DNALI1: variants seen among roughly 807,000 people sequenced by gnomAD.
The protein encoded by DNALI1 is axonemal dynein light intermediate polypeptide 1.
DNALI1 carries 31 observed loss-of-function variants against 33.9 expected under a neutral mutation model. The ratio of observed to expected loss-of-function variants is 0.91; its 90% CI spans 0.69 to 1.23. DNALI1 has a LOEUF of 1.23. Ranked by LOEUF, DNALI1 falls within the 50% of genes most tolerant of loss-of-function variation. The pLI, the probability that DNALI1 is intolerant of heterozygous loss-of-function variation, is 0.00. For missense variants in DNALI1, 305 were observed against 323.8 expected, an observed-to-expected ratio of 0.94 and a Z score of 0.44; for synonymous variants, 117 against 129.2, an observed-to-expected ratio of 0.91 and a Z score of 0.64.
rs200574126 is a variant in DNALI1 at position 37,557,686 on chromosome 1, T to G, written c.165T>G (p.Thr55=). ...PQPPKTKLPS[T]PCVPDPTKQA... ...CACCCAAGACCAAGCTCCCCTCAAC[T>G]CCCTGTGTCCCAGATCCTACAAAGC... is the stretch of plus-strand genomic sequence containing the variant. Residue 55 remains threonine (T), a synonymous_variant, in exon 2 of 6, where the codon ACT becomes ACG. Coordinates refer to ENST00000652629, the MANE Select transcript of DNALI1 (RefSeq NM_003462.5). The G allele has an allele frequency of 4.3e-6, 7 of 1,613,838 alleles. No individual in the cohort carries two copies. In the Admixed American group the frequency reaches 8.3e-5, roughly 19 times the overall value.
Position 37,559,614 on chromosome 1 carries a change from C to T in DNALI1, c.397+118C>T. Reference sequence around the variant, plus strand: ...TGGAGCCCATCTCATGCTGGAATCCCCTCTTCTCCCCCTGCCTGACCCACC... The same window carrying T: ...TGGAGCCCATCTCATGCTGGAATCCTCTCTTCTCCCCCTGCCTGACCCACC... On this transcript the variant is annotated intron_variant, in intron 3 of 5. Transcript: ENST00000652629. The surrounding 1 kb of genome is among the most constrained non-coding windows in gnomAD (Gnocchi z 5.3). The T allele has an allele frequency of 8.2e-7, 1 of 1,220,202 alleles. No homozygotes were observed. The highest frequency in any genetic ancestry group is 2.2e-5 in the South Asian group (1 of 45,610). The allele number at this position is 1,220,202 out of a possible 1,614,324, so 75.6% of individuals were successfully genotyped here.
chr1:37,562,015 C>T lies in DNALI1; in HGVS notation c.577-66C>T. 1 of 1,604,756 alleles carries T rather than the reference C, an allele frequency of 6.2e-7. No homozygotes were observed. On this transcript the variant is annotated intron_variant, in intron 4 of 5. Coordinates refer to ENST00000652629, the MANE Select transcript of DNALI1 (RefSeq NM_003462.5). The surrounding 1 kb of genome is among the most constrained non-coding windows in gnomAD (Gnocchi z 5.8). ...GCAATGTCATGTCCCATGTCCCTTC[C>T]ACCCAGGCTCACACCATTCCATTCA...
At position 37,561,978 on chromosome 1, in the gene DNALI1, G is replaced by A. The variant is rs1414704643; in HGVS notation, c.577-103G>A. 2.7e-5 allele frequency: 42 copies of A among 1,549,804 alleles called. No homozygotes were observed. The East Asian group carries it at 9.2e-4, about 34-fold the overall frequency. On this transcript the variant is annotated intron_variant, in intron 4 of 5. Transcript: ENST00000652629. The surrounding 1 kb of genome is among the most constrained non-coding windows in gnomAD (Gnocchi z 4.6). The stretch of plus-strand genomic sequence containing the variant: ...GGCACTGACCTCCCACTGGGTGGCA[G>A]TATATACCCTGGCAATGTCATGTCC...
Position 37,561,851 on chromosome 1 carries a change from A to C in DNALI1, c.576+116A>C. On this transcript the variant is annotated intron_variant, in intron 4 of 5. Transcript: ENST00000652629. The surrounding 1 kb of genome is among the most constrained non-coding windows in gnomAD (Gnocchi z 4.6). ...CTAAGGTGCTCTGCTGACAGTCACG[A>C]CACCTGGACTTGCATCACCTCAGTG... 7.0e-7 allele frequency: 1 copy of C among 1,429,602 alleles called. No homozygotes were observed. Among genetic ancestry groups the C allele is most frequent in the Non-Finnish European group, 9.4e-7 (1 of 1,058,884 alleles). 88.6% of individuals were successfully genotyped at this position (1,429,602 alleles called of 1,614,324 possible).
rs779963478 is a variant in DNALI1, at chr1:37,561,743, G to A, written c.576+8G>A. 3.7e-6 allele frequency: 6 copies of A among 1,612,044 alleles called. No homozygotes were observed. The highest frequency in any genetic ancestry group is 3.3e-5 in the Admixed American group (2 of 59,904). On this transcript the variant is annotated splice_region_variant and intron_variant, in intron 4 of 5. Transcript: ENST00000652629. This position sits in a 1 kb window ranked among gnomAD's most constrained non-coding sequence, Gnocchi z 4.6. ...TCAGACATGGAGAGGAAAGTGAGTGGGGTTTACCGTGACCCTTGGTCCCAT... is the reference window on the plus strand; with the variant it reads ...TCAGACATGGAGAGGAAAGTGAGTGAGGTTTACCGTGACCCTTGGTCCCAT...
In DNALI1 at chr1:37,557,091, C is replaced by T; in HGVS notation, c.81+16C>T. 1.9e-6 allele frequency: 3 copies of T among 1,614,004 alleles called. No homozygotes were observed. Among genetic ancestry groups the T allele is most frequent in the Non-Finnish European group, 2.5e-6 (3 of 1,179,954 alleles). On this transcript the variant is annotated intron_variant, in intron 1 of 5. Transcript: ENST00000652629. ...GAGCCCCAAGGTAAAGACGGGGGCT[C>T]GGGAGACAAAGGAGCCTCGAAACTC...
chr1:37,557,138 C>G (rs1643381207), intron 1 of DNALI1, 63 bp downstream of exon 1: 1 of 1,607,932 alleles, frequency 6.2e-7, no homozygotes, highest in Non-Finnish European at 8.5e-7. Context: ...GACACATTCC[C>G]GCATGGAGGG....
At position 37,562,310 on chromosome 1, in the gene DNALI1, C is replaced by T; in HGVS notation, c.741+65C>T. The T allele has an allele frequency of 1.3e-6, 2 of 1,545,484 alleles. No homozygotes were observed. The highest frequency in any genetic ancestry group is 1.7e-6 in the Non-Finnish European group (2 of 1,143,884). On this transcript the variant is annotated intron_variant, in intron 5 of 5. Coordinates refer to ENST00000652629, the MANE Select transcript of DNALI1 (RefSeq NM_003462.5). This position sits in a 1 kb window ranked among gnomAD's most constrained non-coding sequence, Gnocchi z 5.8. ...CTGCGACCCAGCCCCACAGGCCAGG[C>T]ATTCGGTTCCTTTTCCATGGCTTTT...
chr1:37,565,070 A>C lies in DNALI1; in HGVS notation c.*9A>C. Reference sequence around the variant, plus strand: ...TTGCACCAAAGAAGTGATAATTTCCACATGATTAATTTCCAACAAGACACT... The same window carrying C: ...TTGCACCAAAGAAGTGATAATTTCCCCATGATTAATTTCCAACAAGACACT... On this transcript the variant is annotated 3_prime_UTR_variant, in exon 6 of 6. Transcript: ENST00000652629. The C allele has an allele frequency of 6.2e-7, 1 of 1,614,172 alleles. No individual in the cohort carries two copies. Among genetic ancestry groups the C allele is most frequent in the Non-Finnish European group, 8.5e-7 (1 of 1,180,004 alleles).
chr1:37,565,109 CTG>C lies in DNALI1; in HGVS notation c.*52_*53del. ...CAACAAGACACTTGGGAGTTATTTA[CTG>C]TGTTCCTCTGGCAGCCAATAAAATC... is the stretch of plus-strand genomic sequence containing the variant. On this transcript the variant is annotated 3_prime_UTR_variant, in exon 6 of 6. Coordinates refer to ENST00000652629, the MANE Select transcript of DNALI1 (RefSeq NM_003462.5). 6.3e-7 allele frequency: 1 copy of C among 1,597,666 alleles called. No individual in the cohort carries two copies. The highest frequency in any genetic ancestry group is 8.6e-7 in the Non-Finnish European group (1 of 1,165,384).
Position 37,565,122 on chromosome 1 carries a change from G to A in DNALI1, c.*61G>A. 1 of 1,587,302 alleles carries A rather than the reference G, an allele frequency of 6.3e-7. No individual in the cohort carries two copies. Among genetic ancestry groups the A allele is most frequent in the Non-Finnish European group, 8.6e-7 (1 of 1,157,196 alleles). On this transcript the variant is annotated 3_prime_UTR_variant, in exon 6 of 6. Transcript: ENST00000652629. ...GGGAGTTATTTACTGTGTTCCTCTG[G>A]CAGCCAATAAAATCATCATAAGCCC... is the stretch of plus-strand genomic sequence containing the variant.
At chr1:37,563,640 G>A (rs1643465334) in intron 5 of DNALI1, among the ~76,000 whole-genome samples, 1 of 152,068 alleles carries the variant, frequency 6.6e-6, no homozygotes, top group Admixed American at 6.5e-5. Flanking sequence ...ACAGGCATGT[G>A]CCAGCACGCC....
In DNALI1 at chr1:37,559,516, G is replaced by A. The variant is rs376409426; in HGVS notation, c.397+20G>A. On this transcript the variant is annotated intron_variant, in intron 3 of 5. Transcript: ENST00000652629. The surrounding 1 kb of genome is among the most constrained non-coding windows in gnomAD (Gnocchi z 5.3). ...GTTTTGGTGAGTGAGCCAGGTGAGG[G>A]GTGGGCACTACACACCCTACTGCTC... 15 of 1,588,106 alleles carry A rather than the reference G, an allele frequency of 9.4e-6. No individual in the cohort carries two copies. The Middle Eastern group carries it at 1.1e-3, about 114-fold the overall frequency.
chr1:37,559,115 C>G lies in DNALI1; in HGVS notation c.228-212C>G, dbSNP rs1027925749. ...GGCCCGTTGCCAAGGTGGAAATTGT[C>G]TACCACCTACCCATTCCCAAGATCC... On this transcript the variant is annotated intron_variant, in intron 2 of 5. Transcript: ENST00000652629. The surrounding 1 kb of genome is among the most constrained non-coding windows in gnomAD (Gnocchi z 5.3). Among the ~76,000 whole-genome samples the G allele has an allele frequency of 6.6e-6, 1 of 152,218 alleles. No homozygotes were observed. The highest frequency in any genetic ancestry group is 1.5e-5 in the Non-Finnish European group (1 of 68,032).
intron 2 of DNALI1, 105 bp downstream of exon 2, chr1:37,557,853 C>A: frequency 6.6e-7 from 1 of 1,515,454 alleles, no homozygotes; most frequent in South Asian, 1.2e-5. Flanking sequence ...CTGGGGTTTC[C>A]TCCCAGTATC....
chr1:37,560,934 T>C (rs1643430723), intron 3 of DNALI1: 1 of 152,340 alleles, frequency 6.6e-6, no homozygotes, highest in Non-Finnish European at 1.5e-5. Flanking sequence ...AGATTTAAGA[T>C]GCACCTCCTT....
At position 37,565,985 on chromosome 1, in the gene DNALI1, G is replaced by A. The variant is rs1643495449; in HGVS notation, c.*924G>A. On this transcript the variant is annotated 3_prime_UTR_variant, in exon 6 of 6. Transcript: ENST00000652629. Reference sequence around the variant, plus strand: ...CTTTAGTTCGGGGCAAGCCAGGGTGGGCTAGGGTGGTAAGCTGGAGGACTT... The same window carrying A: ...CTTTAGTTCGGGGCAAGCCAGGGTGAGCTAGGGTGGTAAGCTGGAGGACTT... The A allele has an allele frequency of 3.9e-5, 6 of 152,160 alleles. No homozygotes were observed. Among genetic ancestry groups the A allele is most frequent in the Admixed American group, 3.9e-4 (6 of 15,278 alleles). The allele number at this position is 152,160 out of a possible 1,614,324, so 9.4% of individuals were successfully genotyped here.
rs1385573234 is a variant in DNALI1 at position 37,566,546 on chromosome 1, A to G, written c.*1485A>G. ...TTCTATTCCAAATCATTCATTACCA[A>G]TAAAAACGAAATACCACCCTTTCCA... On this transcript the variant is annotated 3_prime_UTR_variant, in exon 6 of 6. Transcript: ENST00000652629. 3.2e-5 allele frequency: 9 copies of G among 279,482 alleles called. No homozygotes were observed. The highest frequency in any genetic ancestry group is 5.3e-5 in the Non-Finnish European group (8 of 150,828). The allele number at this position is 279,482 out of a possible 1,614,324, so 17.3% of individuals were successfully genotyped here. A position where few individuals can be genotyped will look rare whatever the true frequency, so the allele number is the denominator to read the frequency against.
At position 37,557,765 on chromosome 1, in the gene DNALI1, A is replaced by C. The variant is rs1016110375; in HGVS notation, c.227+17A>C. The C allele has an allele frequency of 6.2e-7, 1 of 1,613,440 alleles. No homozygotes were observed. Among genetic ancestry groups the C allele is most frequent in the Non-Finnish European group, 8.5e-7 (1 of 1,179,710 alleles). On this transcript the variant is annotated intron_variant, in intron 2 of 5. Transcript: ENST00000652629. ...ACCCCCAAGGTAAGAAAGTAGGAGC[A>C]GTGGCTGGGAGAAGGCCTAAGCTTT...
Sources: gnomAD v4.1 joint callset for allele counts (sites outside exome capture counted in the v4.1 genomes callset) on GRCh38, gnomAD v4.1.1 for gene constraint, Gnocchi (gnomAD v3.1) non-coding constraint, MANE v1.5 for transcripts, NCBI Gene and HGNC (gene_info 2026-07-23, HGNC 2026-07-21) for gene names.